Variants in PRR5 observed in about 807,000 individuals in gnomAD.
PRR5 encodes proline-rich protein 5.
In PRR5, 25 loss-of-function variants were observed where a neutral mutation model predicts 30.6. The observed-to-expected ratio is 0.82, with a 90% confidence interval of 0.60 to 1.14. PRR5 has a LOEUF of 1.14. PRR5 is among the 50% of genes most tolerant of loss of function. The pLI is 0.00. For missense variants in PRR5, 600 were observed against 547.1 expected, an observed-to-expected ratio of 1.10 and a Z score of -0.96; for synonymous variants, 286 against 247.1, an observed-to-expected ratio of 1.16 and a Z score of -1.48.
intron 1 of PRR5, 145 bp downstream of exon 1, chr22:44,702,753 G>A: frequency 1.7e-6 from 2 of 1,176,738 alleles, no homozygotes; most frequent in Non-Finnish European, 2.1e-6. Flanking sequence ...AACTTGCCCC[G>A]CCGGAGTGGT....
intron 2 of PRR5, among the ~76,000 whole-genome samples, chr22:44,718,685 G>A (rs548773587): frequency 2.0e-5 from 3 of 152,296 alleles, no homozygotes; most frequent in Admixed American, 1.3e-4. Flanking sequence ...TTAATTTCCA[G>A]TGCTTTCATT....
rs1018362007 is a variant in PRR5 at position 44,702,565 on chromosome 22, G to A, written c.91G>A (p.Gly31Ser). The A allele has an allele frequency of 2.1e-5, 30 of 1,431,586 alleles. No individual in the cohort carries two copies. Among genetic ancestry groups the A allele is most frequent in the Admixed American group, 3.1e-5 (1 of 32,336 alleles). 88.7% of individuals were successfully genotyped at this position (1,431,586 alleles called of 1,614,324 possible). A position where few individuals can be genotyped will look rare whatever the true frequency, so the allele number is the denominator to read the frequency against. The part of the protein sequence containing the change: ...REPAAAADER[G>S]TQQRRACANA... ...GCCGGCCGCCGCCGCGGACGAGCGG[G>A]GCACGCAGCAGCGCCGGGCCTGCGC... The change falls in exon 1 of 8, where the codon GGC (glycine) becomes AGC (serine). Residue 31 changes from glycine to serine, a missense_variant. By Grantham distance (56) the Gly-to-Ser change is moderately conservative. Coordinates refer to ENST00000336985, the MANE Select transcript of PRR5 (RefSeq NM_181333.4).
At chr22:44,676,250 G>A (rs1320146018), upstream of PRR5, among the ~76,000 whole-genome samples, 3 of 151,498 alleles carry the variant, frequency 2.0e-5, no homozygotes, top group Non-Finnish European at 4.4e-5. Context: ...AGTCAGCCGG[G>A]CATGGTGGCA....
At chr22:44,731,552 T>G (rs1280073522) in intron 4 of PRR5, 178 bp from the exon 5 acceptor site, 1 of 620,510 alleles carries the variant, frequency 1.6e-6, no homozygotes, top group African/African-American at 1.8e-5. Context: ...GGTTAAGCAG[T>G]GGGCCCAGGG....
chr22:44,713,088 G>A (rs1928505020), intron 1 of PRR5, among the ~76,000 whole-genome samples: 1 of 152,210 alleles, frequency 6.6e-6, no homozygotes. Flanking sequence ...TCTGGGGTCA[G>A]AGCTCAGGAT....
rs1923497834 is a variant in PRR5 at position 44,737,474 on chromosome 22, G to T, written c.*227G>T. 1.1e-6 allele frequency: 1 copy of T among 920,620 alleles called. No individual in the cohort carries two copies. Among genetic ancestry groups the T allele is most frequent in the Non-Finnish European group, 1.5e-6 (1 of 656,342 alleles). 57.0% of individuals were successfully genotyped at this position (920,620 alleles called of 1,614,324 possible). ...GCATCTGAGTCGGCGTTTACCCAGGGGCCGGGCCAGAGACGGGGGTCGGCC... is the reference window on the plus strand; with the variant it reads ...GCATCTGAGTCGGCGTTTACCCAGGTGCCGGGCCAGAGACGGGGGTCGGCC... On this transcript the variant is annotated 3_prime_UTR_variant, in exon 8 of 8. Transcript: ENST00000336985.
chr22:44,717,037 G>A (rs909685375), intron 2 of PRR5, among the ~76,000 whole-genome samples: 20 of 151,762 alleles, frequency 1.3e-4, no homozygotes, highest in Non-Finnish European at 2.2e-4. Context: ...CTTCAGCCTG[G>A]GTAACTGAGT....
At chr22:44,729,064 C>T (rs557956976) in intron 4 of PRR5, among the ~76,000 whole-genome samples, 1 of 152,298 alleles carries the variant, frequency 6.6e-6, no homozygotes, top group African/African-American at 2.4e-5. Flanking sequence ...GAACTCTGGG[C>T]GGGAGCTCCT....
chr22:44,710,954 C>T (rs1272909055), intron 1 of PRR5, among the ~76,000 whole-genome samples: 4 of 152,046 alleles, frequency 2.6e-5, no homozygotes, highest in East Asian at 1.9e-4. Flanking sequence ...CTGAGAAGTC[C>T]ATTTTCCAGA....
intron 6 of PRR5, among the ~76,000 whole-genome samples, chr22:44,733,628 T>C (rs1922644027): frequency 6.6e-6 from 1 of 152,046 alleles, no homozygotes; most frequent in Non-Finnish European, 1.5e-5. Context: ...AGCTTCCCGG[T>C]CTTTAACAGA....
At chr22:44,675,799 C>T (rs136920), upstream of PRR5, among the ~76,000 whole-genome samples, 67,738 of 123,754 alleles carry the variant, frequency 0.55, 15,846 homozygotes, top group Non-Finnish European at 0.57. Flanking sequence ...ATTATTATTA[C>T]TTAGGTCACA....
intron 4 of PRR5, chr22:44,729,562 G>A (rs1025953533): frequency 7.1e-6 from 7 of 985,386 alleles, no homozygotes; most frequent in Middle Eastern, 5.2e-4. Context: ...ACGTGGGGAC[G>A]TGTATCACGC....
In PRR5 at chr22:44,714,587, C is replaced by T; in HGVS notation, c.135-4C>T. 1 of 1,612,894 alleles carries T rather than the reference C, an allele frequency of 6.2e-7. No individual in the cohort carries two copies. Among genetic ancestry groups the T allele is most frequent in the Non-Finnish European group, 8.5e-7 (1 of 1,179,964 alleles). ...CTGCAGTGTTTTCTTCCCTCTGCCC[C>T]CAGCATCCACAACGGGGTGATCGCC... is the stretch of plus-strand genomic sequence containing the variant. On this transcript the variant is annotated splice_region_variant and splice_polypyrimidine_tract_variant and intron_variant, in intron 1 of 7. Coordinates refer to ENST00000336985, the MANE Select transcript of PRR5 (RefSeq NM_181333.4).
intron 4 of PRR5, chr22:44,729,187 G>A: frequency 1.7e-6 from 1 of 605,552 alleles, no homozygotes; most frequent in South Asian, 7.3e-5. Context: ...CCATGCCTGT[G>A]CCTCGGCCGT....
chr22:44,725,410 T>A, intron 3 of PRR5, 118 bp downstream of exon 3: 3 of 1,409,664 alleles, frequency 2.1e-6, no homozygotes, highest in Non-Finnish European at 2.9e-6. Flanking sequence ...TGCCTGCAGT[T>A]CCAAGGACCT....
intron 6 of PRR5, chr22:44,733,976 A>T (rs1384155261): frequency 1.3e-5 from 2 of 152,226 alleles, no homozygotes. Flanking sequence ...TGTCACTTAC[A>T]ATTGTACCTG....
chr22:44,727,285 GGCA>G (rs756208986), intron 4 of PRR5, among the ~76,000 whole-genome samples: 5 of 152,060 alleles, frequency 3.3e-5, no homozygotes, highest in Admixed American at 6.5e-5. Flanking sequence ...GAGAGCCTCG[GGCA>G]GCAGCAGCAG....
chr22:44,697,826 G>T (rs1925900363), upstream of PRR5, among the ~76,000 whole-genome samples: 1 of 152,204 alleles, frequency 6.6e-6, no homozygotes, highest in South Asian at 2.1e-4. Context: ...AAATGGGACT[G>T]GTCTCCCACT....
upstream of PRR5, among the ~76,000 whole-genome samples, chr22:44,672,114 G>T (rs1283629995): frequency 6.6e-6 from 1 of 152,234 alleles, no homozygotes; most frequent in Non-Finnish European, 1.5e-5. Context: ...TACAGGAAAT[G>T]AGATAAATAC....
Sources: allele counts gnomAD v4.1 joint callset (sites outside exome capture counted in the v4.1 genomes callset), GRCh38; gene constraint gnomAD v4.1.1; transcripts MANE v1.5; gene names NCBI Gene and HGNC (gene_info 2026-07-23, HGNC 2026-07-21).